MOB1B: variants seen among roughly 807,000 people sequenced by gnomAD.
MOB1B encodes MOB1 Mps One Binder homolog B.
A neutral mutation model predicts 24.4 loss-of-function variants in MOB1B; 19 were observed. The observed-to-expected ratio is 0.78, with a 90% CI of 0.54 to 1.14. The LOEUF is 1.14. Ranked by LOEUF, MOB1B falls within the 50% of genes most tolerant of loss-of-function variation. MOB1B has a pLI of 0.00. For missense variants in MOB1B, 243 were observed against 259.6 expected (o/e 0.94, Z 0.44); for synonymous variants, 76 against 82.1 (o/e 0.93, Z 0.40).
At chr4:70,910,899 T>C (rs1227498990) in intron 1 of MOB1B, among the ~76,000 whole-genome samples, 1 of 152,214 alleles carries the variant, frequency 6.6e-6, no homozygotes, top group East Asian at 1.9e-4. Flanking sequence ...GCGTTTATCC[T>C]GCCTCAGCCT....
chr4:70,962,723 G>A (rs1218614164), intron 2 of MOB1B, among the ~76,000 whole-genome samples: 2 of 152,110 alleles, frequency 1.3e-5, no homozygotes, highest in Admixed American at 6.6e-5. Context: ...AAGAGGCCGG[G>A]CACGGTGGCT....
At chr4:70,925,422 T>C (rs749093699) in intron 1 of MOB1B, among the ~76,000 whole-genome samples, 2 of 152,198 alleles carry the variant, frequency 1.3e-5, no homozygotes, top group Non-Finnish European at 2.9e-5. Flanking sequence ...AGTGATGTCT[T>C]TGCCTTTTTT....
At chr4:70,913,535 C>T (rs765611268) in intron 1 of MOB1B, among the ~76,000 whole-genome samples, 4 of 152,010 alleles carry the variant, frequency 2.6e-5, no homozygotes, top group Non-Finnish European at 5.9e-5. Context: ...GAGCAATCCT[C>T]CTGCCTTGGC....
intron 2 of MOB1B, among the ~76,000 whole-genome samples, chr4:70,960,966 G>A (rs1360605915): frequency 6.6e-6 from 1 of 152,178 alleles, no homozygotes; most frequent in Non-Finnish European, 1.5e-5. Flanking sequence ...CCACAACTGA[G>A]TGTCTGTACC....
intron 4 of MOB1B, among the ~76,000 whole-genome samples, chr4:70,978,105 CT>C (rs1482364593): frequency 2.0e-5 from 3 of 152,190 alleles, no homozygotes; most frequent in East Asian, 1.9e-4. Context: ...ACCACTCCCC[CT>C]GGTAGTCACT....
At chr4:70,976,031 C>T (rs1381217051) in intron 4 of MOB1B, 2 of 260,058 alleles carry the variant, frequency 7.7e-6, no homozygotes, top group Non-Finnish European at 6.0e-6. Flanking sequence ...TCCTAAGTAA[C>T]TGGGACTACA....
intron 1 of MOB1B, among the ~76,000 whole-genome samples, chr4:70,914,925 T>C (rs760087718): frequency 8.5e-5 from 13 of 152,218 alleles, no homozygotes; most frequent in Non-Finnish European, 1.6e-4. Flanking sequence ...TTCAGCTGTG[T>C]GTGGTACATG....
At chr4:70,930,466 A>G (rs779290859) in intron 1 of MOB1B, among the ~76,000 whole-genome samples, 1 of 152,206 alleles carries the variant, frequency 6.6e-6, no homozygotes. Context: ...TCTTTCCCCA[A>G]AGTATGAGTA....
At chr4:70,903,316 T>C (rs565726983) in intron 1 of MOB1B, among the ~76,000 whole-genome samples, 1 of 152,340 alleles carries the variant, frequency 6.6e-6, no homozygotes, top group African/African-American at 2.4e-5. Flanking sequence ...CATTTGTAAA[T>C]GCCAACTTTG....
rs1039958687 is a variant in MOB1B, at chr4:70,984,943, C to G, written c.*2886C>G. The stretch of plus-strand genomic sequence containing the variant: ...TTTAATTGCAGTCTCTTTCTACCTT[C>G]CCTCTGTTAGTCATTTGTAAATTCT... On this transcript the variant is annotated 3_prime_UTR_variant, in exon 6 of 6. Coordinates refer to ENST00000309395, the MANE Select transcript of MOB1B (RefSeq NM_173468.4). The G allele has an allele frequency of 6.6e-6, 1 of 152,104 alleles. No individual in the cohort carries two copies. Among genetic ancestry groups the G allele is most frequent in the Admixed American group, 6.5e-5 (1 of 15,268 alleles). The allele number at this position is 152,104 out of a possible 1,614,324, so 9.4% of individuals were successfully genotyped here.
intron 1 of MOB1B, among the ~76,000 whole-genome samples, chr4:70,931,866 G>A (rs1442266017): frequency 6.6e-6 from 1 of 152,100 alleles, no homozygotes; most frequent in Non-Finnish European, 1.5e-5. Context: ...AAGTAGCTGG[G>A]AGTACAGGCA....
intron 1 of MOB1B, among the ~76,000 whole-genome samples, chr4:70,946,898 T>C (rs1303584177): frequency 6.6e-6 from 1 of 152,204 alleles, no homozygotes; most frequent in South Asian, 2.1e-4. Flanking sequence ...CAGCCAACTT[T>C]CTCTTAAGCC....
intron 1 of MOB1B, among the ~76,000 whole-genome samples, chr4:70,951,086 C>T (rs923343609): frequency 1.3e-5 from 2 of 152,092 alleles, no homozygotes; most frequent in African/African-American, 4.8e-5. Flanking sequence ...AAATAATTTG[C>T]TTTTAATTTT....
rs756681330 is a variant in MOB1B, at chr4:70,975,366, A to G, written c.409+80A>G. The G allele has an allele frequency of 1.5e-5, 24 of 1,562,534 alleles. No individual in the cohort carries two copies. The South Asian group carries it at 1.6e-4, about 10-fold the overall frequency. The stretch of plus-strand genomic sequence containing the variant: ...TAGAATTTTCCTCCCTCTTTCCACT[A>G]TATCTAGTTGGAGAGTTCTTTATGG... On this transcript the variant is annotated intron_variant, in intron 4 of 5. Coordinates refer to ENST00000309395, the MANE Select transcript of MOB1B (RefSeq NM_173468.4).
chr4:70,979,082 G>C (rs748255064), intron 4 of MOB1B, 46 bp from the exon 5 acceptor site: 1 of 1,497,692 alleles, frequency 6.7e-7, no homozygotes, highest in Non-Finnish European at 9.2e-7. Context: ...TCATTGTCTT[G>C]TTGTCATCTC....
chr4:70,965,796 CAAAAAAA>C (rs71211986), intron 2 of MOB1B, among the ~76,000 whole-genome samples: 34 of 28,698 alleles, frequency 1.2e-3, no homozygotes, highest in African/African-American at 2.4e-3. Context: ...GACTCCGTCT[CAAAAAAA>C]AAAAAAAAAA....
chr4:70,923,755 C>T (rs1736533841), intron 1 of MOB1B, among the ~76,000 whole-genome samples: 1 of 151,818 alleles, frequency 6.6e-6, no homozygotes, highest in African/African-American at 2.4e-5. Context: ...AGAGACCATC[C>T]TGGCTAACTC....
chr4:70,979,687 TCA>T (rs930757713), intron 5 of MOB1B, among the ~76,000 whole-genome samples: 5 of 152,222 alleles, frequency 3.3e-5, no homozygotes, highest in African/African-American at 9.6e-5. Context: ...GTTTTGAATA[TCA>T]CATCTGTTTT....
chr4:70,959,373 C>G (rs954874039), intron 2 of MOB1B, among the ~76,000 whole-genome samples: 2 of 152,102 alleles, frequency 1.3e-5, no homozygotes, highest in Admixed American at 6.6e-5. Flanking sequence ...CCCTGCCTGG[C>G]TCATTTACAA....
Sources: allele counts gnomAD v4.1 joint callset (sites outside exome capture counted in the v4.1 genomes callset), GRCh38; gene constraint gnomAD v4.1.1; transcripts MANE v1.5; gene names NCBI Gene and HGNC (gene_info 2026-07-23, HGNC 2026-07-21).